The following POLR2B variants were observed in gnomAD, a reference collection of about 807,000 sequenced individuals.
POLR2B encodes DNA-directed RNA polymerase II subunit RPB2.
In POLR2B, 57 loss-of-function variants were observed where a neutral mutation model predicts 144.6. The observed-to-expected ratio is 0.39, with a 90% CI of 0.32 to 0.49. POLR2B has a LOEUF of 0.49. Ranked by LOEUF, POLR2B falls within the 20% of genes least tolerant of loss-of-function variation. The probability of loss-of-function intolerance (pLI) is 0.83; values close to 1 mark genes in which losing one functional copy is unlikely to be tolerated. For synonymous variants in POLR2B, 442 were observed against 469.8 expected (o/e 0.94, Z 0.77); for missense variants, 595 against 1,467.4 (o/e 0.41, Z 9.71).
At chr4:56,985,687 C>A (rs1312700692) in intron 1 of POLR2B, among the ~76,000 whole-genome samples, 1 of 152,180 alleles carries the variant, frequency 6.6e-6, no homozygotes, top group Non-Finnish European at 1.5e-5. Context: ...CAGGCCTGAG[C>A]CACCCCTACT....
At chr4:56,979,032 T>TGGCG (rs1358154093) in intron 1 of POLR2B, 28 bp downstream of exon 1, 1 of 1,611,074 alleles carries the variant, frequency 6.2e-7, no homozygotes, top group Admixed American at 1.7e-5. Flanking sequence ...ACACACGCCG[T>TGGCG]GGCGGTCCAT....
At chr4:57,013,852 A>G (rs930748011) in intron 13 of POLR2B, among the ~76,000 whole-genome samples, 2 of 152,004 alleles carry the variant, frequency 1.3e-5, no homozygotes, top group Non-Finnish European at 2.9e-5. Context: ...TCATGCCTGT[A>G]ATGGCATAAC....
chr4:57,016,391 T>TA (rs1028188818), intron 14 of POLR2B, among the ~76,000 whole-genome samples: 23 of 151,574 alleles, frequency 1.5e-4, no homozygotes, highest in Admixed American at 8.6e-4. Flanking sequence ...CTCCAAAAAA[T>TA]AAAAAAATTA....
intron 6 of POLR2B, among the ~76,000 whole-genome samples, chr4:56,996,263 T>C (rs1262981104): frequency 3.5e-5 from 3 of 86,608 alleles, no homozygotes; most frequent in Non-Finnish European, 4.2e-5. Flanking sequence ...TGTGTGTGTG[T>C]ATATATATAT....
At chr4:57,006,570 G>A (rs1723024819) in intron 9 of POLR2B, among the ~76,000 whole-genome samples, 1 of 152,166 alleles carries the variant, frequency 6.6e-6, no homozygotes, top group African/African-American at 2.4e-5. Context: ...TTCCCAAAGT[G>A]CTGGGATTAC....
chr4:57,027,125 C>T (rs746834106), intron 23 of POLR2B, among the ~76,000 whole-genome samples: 5 of 152,022 alleles, frequency 3.3e-5, no homozygotes, highest in South Asian at 4.2e-4. Context: ...TCTCGTGCCT[C>T]GGCCTCCCAA....
intron 1 of POLR2B, among the ~76,000 whole-genome samples, chr4:56,983,368 GTTTT>G (rs11315195): frequency 4.2e-5 from 3 of 71,312 alleles, no homozygotes; most frequent in Non-Finnish European, 5.2e-5. Context: ...CTCTGCTCAG[GTTTT>G]TTTTTTTTTT....
chr4:56,989,346 T>G (rs996959898), intron 2 of POLR2B, among the ~76,000 whole-genome samples: 3 of 152,242 alleles, frequency 2.0e-5, no homozygotes, highest in Non-Finnish European at 4.4e-5. Context: ...TCCACATGGT[T>G]GTGAGAAATT....
chr4:56,985,297 C>T (rs971940865), intron 1 of POLR2B: 25 of 983,522 alleles, frequency 2.5e-5, no homozygotes, highest in South Asian at 4.7e-5. Flanking sequence ...TGCAGTGGCG[C>T]GATCTCAGCT....
intron 13 of POLR2B, among the ~76,000 whole-genome samples, chr4:57,013,992 C>G (rs1297729006): frequency 6.7e-6 from 1 of 150,104 alleles, no homozygotes; most frequent in Non-Finnish European, 1.5e-5. Flanking sequence ...GAGCTGTATT[C>G]TGTTAGGAAT....
intron 3 of POLR2B, among the ~76,000 whole-genome samples, chr4:56,992,711 C>T (rs1227403286): frequency 1.3e-5 from 2 of 151,002 alleles, no homozygotes; most frequent in African/African-American, 4.9e-5. Flanking sequence ...AGGCGCCTGC[C>T]ACCACGCCCG....
At chr4:56,994,539 C>A in intron 4 of POLR2B, 23 bp downstream of exon 4, 1 of 1,482,004 alleles carries the variant, frequency 6.7e-7, no homozygotes, top group South Asian at 1.1e-5. Context: ...TTTTCCTTGT[C>A]AGCAGTAGAT....
At chr4:57,007,805 A>G (rs1488228463) in intron 10 of POLR2B, among the ~76,000 whole-genome samples, 1 of 152,174 alleles carries the variant, frequency 6.6e-6, no homozygotes, top group Non-Finnish European at 1.5e-5. Flanking sequence ...TTTGCTTTTC[A>G]TAGATGATTG....
In POLR2B at chr4:56,990,821, C is replaced by T. The variant is rs377034525; in HGVS notation, c.166C>T (p.Gln56Ter). 1.2e-6 allele frequency: 2 copies of T among 1,613,304 alleles called. No homozygotes were observed. The highest frequency in any genetic ancestry group is 2.7e-5 in the African/African-American group (2 of 74,880). ...SFDEFIQMSV[Q>*]RIVEDAPPID... The stretch of plus-strand genomic sequence containing the variant: ...TGATGAGTTTATTCAGATGTCTGTT[C>T]AAAGAATTGTGGAAGACGCTCCTCC... The change falls in exon 3 of 25, where the codon CAA (glutamine) becomes TAA (stop). Residue 56 changes from glutamine to a stop codon, truncating the protein, a stop_gained. Transcript: ENST00000314595. LOFTEE classifies it high-confidence loss of function.
intron 6 of POLR2B, among the ~76,000 whole-genome samples, chr4:56,997,342 A>ACCTCCTGGCC (rs1393116559): frequency 6.7e-6 from 1 of 150,102 alleles, no homozygotes. Context: ...CACTGCAACC[A>ACCTCCTGGCC]CCACCTCCTG....
At chr4:56,999,389 G>C (rs1392768271) in intron 6 of POLR2B, among the ~76,000 whole-genome samples, 4 of 151,656 alleles carry the variant, frequency 2.6e-5, no homozygotes, top group Non-Finnish European at 5.9e-5. Flanking sequence ...AGATAGGAGA[G>C]AATGGAAGTT....
intron 6 of POLR2B, among the ~76,000 whole-genome samples, chr4:56,998,558 A>G (rs1252781964): frequency 1.3e-5 from 2 of 151,998 alleles, no homozygotes; most frequent in Admixed American, 6.6e-5. Flanking sequence ...AGGTCCCACT[A>G]TGTTGCCCAG....
chr4:56,980,986 G>A (rs530288611), intron 1 of POLR2B, among the ~76,000 whole-genome samples: 4 of 151,840 alleles, frequency 2.6e-5, no homozygotes, highest in Non-Finnish European at 5.9e-5. Flanking sequence ...AGTATTTTTA[G>A]TAGAGATGGT....
At position 57,030,410 on chromosome 4, in the gene POLR2B, A is replaced by G. The variant is rs755839788; in HGVS notation, c.3435+11A>G. ...CGCAATAAAACCCAGGTGTGTATAGACTTTACTGGCAGTTGATATTTGTTT... is the reference window on the plus strand; with the variant it reads ...CGCAATAAAACCCAGGTGTGTATAGGCTTTACTGGCAGTTGATATTTGTTT... On this transcript the variant is annotated intron_variant, in intron 24 of 24. Coordinates refer to ENST00000314595, the MANE Select transcript of POLR2B (RefSeq NM_000938.3). 5 of 1,579,332 alleles carry G rather than the reference A, an allele frequency of 3.2e-6. No individual in the cohort carries two copies. The South Asian group carries it at 5.6e-5, about 18-fold the overall frequency.
Sources: gnomAD v4.1 joint callset for allele counts (sites outside exome capture counted in the v4.1 genomes callset) on GRCh38, gnomAD v4.1.1 for gene constraint, MANE v1.5 for transcripts, NCBI Gene and HGNC (gene_info 2026-07-23, HGNC 2026-07-21) for gene names.